The following PIP4P2 variants were observed in gnomAD, a reference collection of about 807,000 sequenced individuals.
PIP4P2 encodes the protein type 2 phosphatidylinositol 4,5-bisphosphate 4-phosphatase.
PIP4P2 carries 19 observed loss-of-function variants against 33.3 expected under a neutral mutation model. The observed-to-expected ratio is 0.57, with a 90% confidence interval of 0.40 to 0.84. The LOEUF (loss-of-function observed/expected upper bound fraction) is 0.84. PIP4P2 is among the 40% of genes least tolerant of loss of function. The pLI is 0.00. For missense variants in PIP4P2, 270 were observed against 324.7 expected (o/e 0.83, Z 1.29); for synonymous variants, 110 against 111.9 (o/e 0.98, Z 0.11).
intron 1 of PIP4P2, among the ~76,000 whole-genome samples, chr8:91,040,142 C>A (rs1563571405): frequency 6.6e-6 from 1 of 152,118 alleles, no homozygotes; most frequent in Non-Finnish European, 1.5e-5. Flanking sequence ...ACTGAGTGAA[C>A]AGAGCACTGT....
At chr8:91,031,385 C>T (rs1302649351) in intron 1 of PIP4P2, among the ~76,000 whole-genome samples, 2 of 152,150 alleles carry the variant, frequency 1.3e-5, no homozygotes, top group Admixed American at 6.5e-5. Flanking sequence ...ATTGTTTCTC[C>T]TCTGGATTGT....
At chr8:90,999,999 C>A (rs1811680592) in intron 5 of PIP4P2, among the ~76,000 whole-genome samples, 1 of 151,864 alleles carries the variant, frequency 6.6e-6, no homozygotes, top group Non-Finnish European at 1.5e-5. Flanking sequence ...TTATATTGAC[C>A]ATGACTCTTT....
intron 5 of PIP4P2, among the ~76,000 whole-genome samples, chr8:91,000,804 G>A (rs546920876): frequency 1.1e-4 from 17 of 151,848 alleles, no homozygotes; most frequent in Middle Eastern, 6.8e-3. Context: ...AATTATTTGA[G>A]ATTATCTCCT....
At chr8:91,040,412 CCACCAT>C (rs1461809938) in intron 1 of PIP4P2, among the ~76,000 whole-genome samples, 14 of 122,812 alleles carry the variant, frequency 1.1e-4, no homozygotes, top group African/African-American at 3.3e-4. Flanking sequence ...ACCACCACCA[CCACCAT>C]CACCACCACC....
intron 1 of PIP4P2, among the ~76,000 whole-genome samples, chr8:91,028,392 T>C (rs1812111814): frequency 6.6e-6 from 1 of 152,180 alleles, no homozygotes; most frequent in East Asian, 1.9e-4. Context: ...TTTACAAGAC[T>C]GTGTACTGGG....
chr8:90,996,486 G>A (rs1811631029), intron 6 of PIP4P2, among the ~76,000 whole-genome samples, 168 bp downstream of exon 6: 1 of 152,008 alleles, frequency 6.6e-6, no homozygotes, highest in Non-Finnish European at 1.5e-5. Context: ...ATCAAAAAGA[G>A]GTCCATGGAT....
At chr8:91,029,767 G>A (rs755165109) in intron 1 of PIP4P2, among the ~76,000 whole-genome samples, 16 of 152,046 alleles carry the variant, frequency 1.1e-4, no homozygotes, top group Non-Finnish European at 2.1e-4. Context: ...TCAGGAGATC[G>A]AGACCATCCT....
intron 1 of PIP4P2, among the ~76,000 whole-genome samples, chr8:91,039,261 TTC>T (rs1812274123): frequency 6.6e-6 from 1 of 152,198 alleles, no homozygotes; most frequent in Non-Finnish European, 1.5e-5. Context: ...TTAGAGGAAA[TTC>T]TCTTGCCTGG....
At chr8:91,006,261 T>C (rs1169696043) in intron 5 of PIP4P2, among the ~76,000 whole-genome samples, 1 of 152,232 alleles carries the variant, frequency 6.6e-6, no homozygotes, top group Non-Finnish European at 1.5e-5. Flanking sequence ...AAATAAGTAA[T>C]GAATGCTCTG....
intron 1 of PIP4P2, among the ~76,000 whole-genome samples, chr8:91,029,022 G>A (rs1317709543): frequency 6.6e-6 from 1 of 152,178 alleles, no homozygotes; most frequent in Non-Finnish European, 1.5e-5. Context: ...GCTGGGCACA[G>A]TGGCTCATGC....
chr8:91,032,813 A>G (rs1206453580), intron 1 of PIP4P2, among the ~76,000 whole-genome samples: 1 of 151,824 alleles, frequency 6.6e-6, no homozygotes, highest in Non-Finnish European at 1.5e-5. Context: ...AAAGAAACAC[A>G]AAACACCTGA....
In PIP4P2 at chr8:90,996,699, A is replaced by G. The variant is rs147282421; in HGVS notation, c.585T>C (p.Tyr195=). The change falls in exon 6 of 7, where the codon TAT becomes TAC. Residue 195 remains tyrosine, a synonymous_variant. Transcript: ENST00000285419. The part of the protein sequence containing the change: ...SALPRRRCCA[Y]ITIGMICIFI... ...AAATACATATCATTCCAATGGTAAT[A>G]TATGCACAGCAGCGTCTTCGTGGAA... is the stretch of plus-strand genomic sequence containing the variant. The G allele has an allele frequency of 3.0e-5, 49 of 1,610,802 alleles. No individual in the cohort carries two copies. In the South Asian group the frequency reaches 3.8e-4, roughly 12 times the overall value.
rs542274605 is a variant in PIP4P2, at chr8:90,993,977, T to C, written c.*1700A>G. ...AAGGAATATGACATAGCATATAATT[T>C]AATGTGAGCTTTCCAATCAATGAGG... On this transcript the variant is annotated 3_prime_UTR_variant, in exon 7 of 7. Coordinates refer to ENST00000285419, the MANE Select transcript of PIP4P2 (RefSeq NM_018710.3). The C allele has an allele frequency of 6.6e-6, 1 of 152,200 alleles. No individual in the cohort carries two copies. The highest frequency in any genetic ancestry group is 1.9e-4 in the East Asian group (1 of 5,200). 9.4% of individuals were successfully genotyped at this position (152,200 alleles called of 1,614,324 possible). A position where few individuals can be genotyped will look rare whatever the true frequency, so the allele number is the denominator to read the frequency against.
At chr8:91,012,462 G>A (rs1205105203) in intron 4 of PIP4P2, among the ~76,000 whole-genome samples, 1 of 151,990 alleles carries the variant, frequency 6.6e-6, no homozygotes, top group Non-Finnish European at 1.5e-5. Context: ...AAGGCTGTAA[G>A]AACTTTGTAG....
chr8:91,024,084 A>G (rs1812049079), intron 1 of PIP4P2, among the ~76,000 whole-genome samples: 2 of 152,102 alleles, frequency 1.3e-5, no homozygotes, highest in Admixed American at 6.6e-5. Context: ...GAGGTGAAGT[A>G]GTCAGGGGAC....
intron 5 of PIP4P2, among the ~76,000 whole-genome samples, chr8:91,002,814 C>G (rs1811716347): frequency 6.6e-6 from 1 of 152,146 alleles, no homozygotes; most frequent in East Asian, 1.9e-4. Context: ...CCAGGCCATT[C>G]TAGGTCTAGC....
chr8:91,012,975 T>C (rs571086952), intron 4 of PIP4P2, among the ~76,000 whole-genome samples: 5 of 152,318 alleles, frequency 3.3e-5, no homozygotes, highest in African/African-American at 9.6e-5. Flanking sequence ...TTTTTGATTG[T>C]TCTTTTCTCC....
At chr8:91,001,628 T>A (rs995354937) in intron 5 of PIP4P2, among the ~76,000 whole-genome samples, 1 of 152,100 alleles carries the variant, frequency 6.6e-6, no homozygotes, top group African/African-American at 2.4e-5. Context: ...CTTACATGTT[T>A]TCTCTTATTT....
intron 1 of PIP4P2, among the ~76,000 whole-genome samples, chr8:91,025,527 C>T (rs1250803248): frequency 6.6e-6 from 1 of 152,030 alleles, no homozygotes; most frequent in African/African-American, 2.4e-5. Flanking sequence ...TTGCTCTGAC[C>T]TTTATTATCT....
Sources: allele counts gnomAD v4.1 joint callset (sites outside exome capture counted in the v4.1 genomes callset), GRCh38; gene constraint gnomAD v4.1.1; transcripts MANE v1.5; gene names NCBI Gene and HGNC (gene_info 2026-07-23, HGNC 2026-07-21).